FAM168A: variants seen among roughly 807,000 people sequenced by gnomAD.
The protein encoded by FAM168A is protein FAM168A.
A neutral mutation model predicts 28.5 loss-of-function variants in FAM168A; 3 were observed. That is an observed-to-expected ratio of 0.11 (90% CI 0.05 to 0.27). The LOEUF (loss-of-function observed/expected upper bound fraction) is 0.27. Ranked by LOEUF, FAM168A falls within the 10% of genes least tolerant of loss-of-function variation. FAM168A has a pLI of 1.00. For missense variants in FAM168A, 222 were observed against 311.5 expected (o/e 0.71, Z 2.16); for synonymous variants, 122 against 124.2 (o/e 0.98, Z 0.12).
chr11:73,438,117 C>T (rs1018174622), intron 2 of FAM168A, among the ~76,000 whole-genome samples: 7 of 152,148 alleles, frequency 4.6e-5, no homozygotes, highest in African/African-American at 1.4e-4. Flanking sequence ...TCATCATCAT[C>T]GTCATCATCA....
At chr11:73,467,199 CA>C (rs984184822) in intron 2 of FAM168A, among the ~76,000 whole-genome samples, 6 of 151,394 alleles carry the variant, frequency 4.0e-5, no homozygotes, top group Admixed American at 2.0e-4. Context: ...TTAATAGAGA[CA>C]AAAAAAGATC....
intron 1 of FAM168A, among the ~76,000 whole-genome samples, chr11:73,538,783 C>T (rs56262837): frequency 0.082 from 12,486 of 152,202 alleles, 1,555 homozygotes; most frequent in African/African-American, 0.27. Flanking sequence ...TCTTCATTGT[C>T]ATGGCTTGCC....
chr11:73,501,647 C>T (rs1271837690), intron 1 of FAM168A, among the ~76,000 whole-genome samples: 4 of 152,112 alleles, frequency 2.6e-5, no homozygotes, highest in Non-Finnish European at 4.4e-5. Context: ...CCAATGAGAA[C>T]AAAGAGACAA....
chr11:73,447,393 TAAAA>T (rs531272327), intron 2 of FAM168A, among the ~76,000 whole-genome samples: 1 of 144,820 alleles, frequency 6.9e-6, no homozygotes, highest in African/African-American at 2.5e-5. Context: ...TACCAAAAAT[TAAAA>T]AAAAAAATAG....
In FAM168A at chr11:73,586,017, G is replaced by A. The variant is rs1376913627; in HGVS notation, c.-19+11906C>T. Among the ~76,000 whole-genome samples the A allele has an allele frequency of 3.9e-5, 6 of 152,034 alleles. No homozygotes were observed. The East Asian group carries it at 1.2e-3, about 29-fold the overall frequency. ...GCTCAGAGTGGGTGAGTTATATCCT[G>A]CTCTGTAAAAACTGGTTCACTCACT... is the stretch of plus-strand genomic sequence containing the variant. On this transcript the variant is annotated intron_variant, in intron 1 of 7. Transcript: ENST00000356467.
intron 1 of FAM168A, among the ~76,000 whole-genome samples, chr11:73,546,005 C>T (rs1266710752): frequency 6.6e-6 from 1 of 152,160 alleles, no homozygotes; most frequent in Non-Finnish European, 1.5e-5. Flanking sequence ...GTTGATTCTA[C>T]ATTCACTACC....
At chr11:73,562,906 G>A (rs1321055826) in intron 1 of FAM168A, among the ~76,000 whole-genome samples, 1 of 152,144 alleles carries the variant, frequency 6.6e-6, no homozygotes, top group Non-Finnish European at 1.5e-5. Context: ...TACCAGCTGA[G>A]CATATTTAGT....
intron 2 of FAM168A, among the ~76,000 whole-genome samples, chr11:73,432,603 C>G (rs367596106): frequency 6.6e-6 from 1 of 152,246 alleles, no homozygotes; most frequent in East Asian, 1.9e-4. Flanking sequence ...CTATCCAAAT[C>G]ATTTTCCCAT....
chr11:73,466,363 T>A (rs778285550), intron 2 of FAM168A, among the ~76,000 whole-genome samples: 2 of 152,200 alleles, frequency 1.3e-5, no homozygotes, highest in Non-Finnish European at 2.9e-5. Context: ...ACATATACTT[T>A]GAAACCACAA....
At chr11:73,474,965 G>A (rs1403798953) in intron 1 of FAM168A, among the ~76,000 whole-genome samples, 1 of 152,182 alleles carries the variant, frequency 6.6e-6, no homozygotes, top group Non-Finnish European at 1.5e-5. Flanking sequence ...ATAGGCAATG[G>A]TAAGGCCCAG....
At chr11:73,433,246 G>T (rs1308930455) in intron 2 of FAM168A, among the ~76,000 whole-genome samples, 1 of 151,306 alleles carries the variant, frequency 6.6e-6, no homozygotes, top group Non-Finnish European at 1.5e-5. Flanking sequence ...TCTTTTTGCT[G>T]TTACACTGCA....
intron 3 of FAM168A, among the ~76,000 whole-genome samples, chr11:73,429,332 C>CT (rs1190278175): frequency 6.6e-6 from 1 of 152,160 alleles, no homozygotes; most frequent in Non-Finnish European, 1.5e-5. Flanking sequence ...CAAAACACTG[C>CT]TTTTTGATTC....
At chr11:73,592,433 T>C (rs894686812) in intron 1 of FAM168A, among the ~76,000 whole-genome samples, 2 of 152,216 alleles carry the variant, frequency 1.3e-5, no homozygotes, top group Non-Finnish European at 2.9e-5. Context: ...TTTAACAAAA[T>C]AGAGAAAGAA....
chr11:73,453,856 C>T (rs938129321), intron 2 of FAM168A, among the ~76,000 whole-genome samples: 6 of 152,116 alleles, frequency 3.9e-5, no homozygotes, highest in Non-Finnish European at 7.4e-5. Context: ...CAGCTGTATT[C>T]GAGGCCACAA....
At chr11:73,527,236 A>C (rs1481468113) in intron 1 of FAM168A, among the ~76,000 whole-genome samples, 1 of 152,194 alleles carries the variant, frequency 6.6e-6, no homozygotes, top group Admixed American at 6.5e-5. Context: ...ACTCATGGGG[A>C]AACGACTCCA....
At chr11:73,491,520 T>C (rs1868127690) in intron 1 of FAM168A, among the ~76,000 whole-genome samples, 1 of 152,254 alleles carries the variant, frequency 6.6e-6, no homozygotes, top group Admixed American at 6.5e-5. Context: ...ATTCTGTTTT[T>C]ACTCAAGACA....
Position 73,406,152 on chromosome 11 carries a change from A to C in FAM168A, c.*611T>G. 1 of 119,402 alleles carries C rather than the reference A, an allele frequency of 8.4e-6. No homozygotes were observed. The highest frequency in any genetic ancestry group is 2.6e-4 in the East Asian group (1 of 3,816). The allele number at this position is 119,402 out of a possible 1,614,324, so 7.4% of individuals were successfully genotyped here. ...CCAAATTCTAAAGACTTTTTTCCCC[A>C]GGTTCTCAGCCTGGGGTATTAAGCT... On this transcript the variant is annotated 3_prime_UTR_variant, in exon 8 of 8. Coordinates refer to ENST00000356467, the MANE Select transcript of FAM168A (RefSeq NM_015159.3).
chr11:73,424,990 G>GAATAC, intron 3 of FAM168A: 1 of 1,504,462 alleles, frequency 6.6e-7, no homozygotes, highest in South Asian at 1.2e-5. Context: ...TTCATAGGCT[G>GAATAC]TAATACAGAT....
At chr11:73,456,995 G>T (rs1427958231) in intron 2 of FAM168A, among the ~76,000 whole-genome samples, 1 of 152,172 alleles carries the variant, frequency 6.6e-6, no homozygotes, top group African/African-American at 2.4e-5. Flanking sequence ...ACCTCTACTG[G>T]CCAAAGCAGA....
Sources: gnomAD v4.1 joint callset for allele counts (sites outside exome capture counted in the v4.1 genomes callset) on GRCh38, gnomAD v4.1.1 for gene constraint, MANE v1.5 for transcripts, NCBI Gene and HGNC (gene_info 2026-07-23, HGNC 2026-07-21) for gene names.